XRN1: variants seen among roughly 807,000 people sequenced by gnomAD.
The protein encoded by XRN1 is 5'-3' exoribonuclease 1.
A neutral mutation model predicts 222.3 loss-of-function variants in XRN1; 67 were observed. The observed-to-expected ratio is 0.30, with a 90% CI of 0.25 to 0.37. The LOEUF (loss-of-function observed/expected upper bound fraction) is 0.37, where lower values mean the gene tolerates loss of function less well. XRN1 is among the 10% of genes least tolerant of loss of function. The pLI, the probability that XRN1 is intolerant of heterozygous loss-of-function variation, is 1.00. For synonymous variants in XRN1, 643 were observed against 652.4 expected (o/e 0.99, Z 0.22); for missense variants, 1,707 against 2,000.2 (o/e 0.85, Z 2.80).
rs1009614785 is a variant in XRN1 at position 142,308,863 on chromosome 3, A to G, written c.*2648T>C. The G allele has an allele frequency of 6.6e-6, 1 of 152,238 alleles. No individual in the cohort carries two copies. Among genetic ancestry groups the G allele is most frequent in the Non-Finnish European group, 1.5e-5 (1 of 68,042 alleles). The allele number at this position is 152,238 out of a possible 1,614,324, so 9.4% of individuals were successfully genotyped here. A position where few individuals can be genotyped will look rare whatever the true frequency, so the allele number is the denominator to read the frequency against. On this transcript the variant is annotated 3_prime_UTR_variant, in exon 41 of 41. Transcript: ENST00000392981. Reference sequence around the variant, plus strand: ...ACCATTTTCACAAAAAGTCCTCAGAAGATTCAAGTTGAATGAGCATATTTT... The same window carrying G: ...ACCATTTTCACAAAAAGTCCTCAGAGGATTCAAGTTGAATGAGCATATTTT...
At chr3:142,318,543 T>C in intron 39 of XRN1, 49 bp downstream of exon 39, 2 of 1,476,666 alleles carry the variant, frequency 1.4e-6, no homozygotes, top group Non-Finnish European at 1.9e-6. Context: ...AAGAGCTTAG[T>C]AAAAATAACA....
At chr3:142,440,798 T>C (rs765181224) in intron 1 of XRN1, among the ~76,000 whole-genome samples, 14 of 152,140 alleles carry the variant, frequency 9.2e-5, no homozygotes, top group Non-Finnish European at 1.8e-4. Context: ...AGGATGCCTT[T>C]TTCTGCAACC....
chr3:142,389,316 T>G (rs770015242), intron 20 of XRN1, among the ~76,000 whole-genome samples: 98 of 152,204 alleles, frequency 6.4e-4, no homozygotes, highest in Non-Finnish European at 1.1e-3. Flanking sequence ...ATTCTAGCTT[T>G]TTTTTTGCTA....
At chr3:142,403,562 G>T in intron 18 of XRN1, 112 bp downstream of exon 18, 4 of 896,586 alleles carry the variant, frequency 4.5e-6, no homozygotes, top group South Asian at 3.7e-5. Flanking sequence ...CCTTATTTAG[G>T]CTCCAAATTT....
At chr3:142,378,857 G>A (rs1435767836) in intron 23 of XRN1, among the ~76,000 whole-genome samples, 1 of 152,118 alleles carries the variant, frequency 6.6e-6, no homozygotes, top group Non-Finnish European at 1.5e-5. Flanking sequence ...TAAGGGAAAG[G>A]TGCTAAAAAG....
At chr3:142,370,200 CT>C (rs1184787617) in intron 27 of XRN1, among the ~76,000 whole-genome samples, 2 of 151,824 alleles carry the variant, frequency 1.3e-5, no homozygotes, top group African/African-American at 2.4e-5. Context: ...AATACTATGG[CT>C]TTTGTATATT....
intron 15 of XRN1, among the ~76,000 whole-genome samples, chr3:142,408,690 C>T (rs2108050451): frequency 6.6e-6 from 1 of 152,160 alleles, no homozygotes; most frequent in East Asian, 1.9e-4. Flanking sequence ...ACATACTTTC[C>T]CCTCCTCTTG....
chr3:142,375,440 A>C (rs2067114466), intron 25 of XRN1, among the ~76,000 whole-genome samples: 1 of 152,214 alleles, frequency 6.6e-6, no homozygotes, highest in Non-Finnish European at 1.5e-5. Flanking sequence ...ATAGCTACAT[A>C]GTTCTAAGAA....
Position 142,311,471 on chromosome 3 carries a change from A to C in XRN1, c.*40T>G, listed in dbSNP as rs1183524950. 3 of 1,493,948 alleles carry C rather than the reference A, an allele frequency of 2.0e-6. No individual in the cohort carries two copies. Among genetic ancestry groups the C allele is most frequent in the East Asian group, 2.3e-5 (1 of 44,018 alleles). 92.5% of individuals were successfully genotyped at this position (1,493,948 alleles called of 1,614,324 possible). ...TAGATATGTATTTATAAAAAGGTAGATGGAAAGAGAAGAAATTAACTTAAT... is the reference window on the plus strand; with the variant it reads ...TAGATATGTATTTATAAAAAGGTAGCTGGAAAGAGAAGAAATTAACTTAAT... On this transcript the variant is annotated 3_prime_UTR_variant, in exon 41 of 41. Coordinates refer to ENST00000392981, the MANE Select transcript of XRN1 (RefSeq NM_001282857.2).
intron 1 of XRN1, among the ~76,000 whole-genome samples, chr3:142,444,471 C>T (rs1213053726): frequency 3.3e-5 from 5 of 152,018 alleles, no homozygotes; most frequent in Admixed American, 2.0e-4. Flanking sequence ...ATTAGCTAGG[C>T]GTAGTGGCAC....
intron 37 of XRN1, among the ~76,000 whole-genome samples, chr3:142,326,819 C>G (rs1237490311): frequency 1.3e-5 from 2 of 152,016 alleles, no homozygotes; most frequent in Admixed American, 6.6e-5. Context: ...TTGTTGAGAG[C>G]TGTTATCACA....
intron 2 of XRN1, among the ~76,000 whole-genome samples, chr3:142,428,378 C>T: frequency 9.0e-6 from 1 of 111,010 alleles, no homozygotes; most frequent in South Asian, 2.7e-4. Flanking sequence ...TTGGGCGAGA[C>T]AGAGCAAGAC....
At chr3:142,422,230 G>A (rs2069064007) in intron 8 of XRN1, among the ~76,000 whole-genome samples, 1 of 152,106 alleles carries the variant, frequency 6.6e-6, no homozygotes, top group African/African-American at 2.4e-5. Context: ...AGCTACTCAG[G>A]AGGCAGAGGC....
chr3:142,388,065 C>A (rs1453787606), intron 20 of XRN1, among the ~76,000 whole-genome samples: 2 of 152,192 alleles, frequency 1.3e-5, no homozygotes, highest in African/African-American at 4.8e-5. Context: ...TACCCAGCCT[C>A]AGACTGGGCT....
intron 10 of XRN1, 121 bp from the exon 11 acceptor site, chr3:142,419,002 T>C: frequency 1.2e-6 from 1 of 868,294 alleles, no homozygotes; most frequent in Non-Finnish European, 1.9e-6. Context: ...ATCCTTCATA[T>C]CCTGCCCATC....
At chr3:142,443,028 C>A (rs557237660) in intron 1 of XRN1, among the ~76,000 whole-genome samples, 3 of 152,160 alleles carry the variant, frequency 2.0e-5, no homozygotes, top group Non-Finnish European at 4.4e-5. Context: ...CCACCGCGCC[C>A]GGCCCAATCC....
Position 142,423,167 on chromosome 3 carries a change from T to G in XRN1, c.711-245A>C, listed in dbSNP as rs529840967. Among the ~76,000 whole-genome samples the G allele has an allele frequency of 5.3e-5, 8 of 152,324 alleles. No individual in the cohort carries two copies. In the East Asian group the frequency reaches 1.2e-3, roughly 22 times the overall value. On this transcript the variant is annotated intron_variant, in intron 6 of 40. Coordinates refer to ENST00000392981, the MANE Select transcript of XRN1 (RefSeq NM_001282857.2). ...TGTTCTGTGGAAGGATTCTCAGAAT[T>G]AAGAAGTCCTAAATAACATATAGTA...
intron 39 of XRN1, among the ~76,000 whole-genome samples, chr3:142,318,108 T>C (rs1413832190): frequency 6.6e-6 from 1 of 152,080 alleles, no homozygotes; most frequent in Non-Finnish European, 1.5e-5. Context: ...AGAAAAGGGA[T>C]TTTCTAAACT....
At chr3:142,420,937 G>C in intron 10 of XRN1, 79 bp downstream of exon 10, 1 of 1,574,678 alleles carries the variant, frequency 6.4e-7, no homozygotes, top group Non-Finnish European at 8.7e-7. Flanking sequence ...CAAATCATAA[G>C]AAGGAAAATG....
Sources: allele counts gnomAD v4.1 joint callset (sites outside exome capture counted in the v4.1 genomes callset), GRCh38; gene constraint gnomAD v4.1.1; transcripts MANE v1.5; gene names NCBI Gene and HGNC (gene_info 2026-07-23, HGNC 2026-07-21).